Variants in BCAS3 observed in about 807,000 individuals in gnomAD.
BCAS3 encodes BCAS4/BCAS3 fusion.
In BCAS3, 53 loss-of-function variants were observed where a neutral mutation model predicts 116.1. That is an observed-to-expected ratio of 0.46 (90% CI 0.37 to 0.57). The LOEUF is 0.57. Among genes scored for constraint, BCAS3 ranks in the 20% least tolerant of loss-of-function variants. The pLI, the probability that BCAS3 is intolerant of heterozygous loss-of-function variation, is 0.00. For synonymous variants in BCAS3, 391 were observed against 408.2 expected (o/e 0.96, Z 0.51); for missense variants, 917 against 1,165.4 (o/e 0.79, Z 3.10).
chr17:60,770,317 T>A (rs1034261516), intron 6 of BCAS3, among the ~76,000 whole-genome samples: 3 of 151,832 alleles, frequency 2.0e-5, no homozygotes, highest in Non-Finnish European at 2.9e-5. Flanking sequence ...TTTCCCCAGT[T>A]CATAGTCCAT....
chr17:60,914,242 T>G (rs1286308608), intron 12 of BCAS3, among the ~76,000 whole-genome samples: 1 of 152,186 alleles, frequency 6.6e-6, no homozygotes, highest in African/African-American at 2.4e-5. Context: ...TACTGGAATA[T>G]CTCTGACATT....
intron 22 of BCAS3, among the ~76,000 whole-genome samples, chr17:61,240,096 A>G (rs12943935): frequency 0.2 from 30,701 of 151,960 alleles, 3,454 homozygotes; most frequent in African/African-American, 0.29. Context: ...ATCTGTAACC[A>G]TGCTGTCTCA....
chr17:60,784,009 T>C (rs1468771295), intron 6 of BCAS3, among the ~76,000 whole-genome samples: 2 of 152,170 alleles, frequency 1.3e-5, no homozygotes, highest in Admixed American at 6.5e-5. Context: ...AAATGAAGTA[T>C]AATATAAAGC....
At chr17:60,969,406 A>C (rs537909847) in intron 14 of BCAS3, among the ~76,000 whole-genome samples, 11 of 152,342 alleles carry the variant, frequency 7.2e-5, no homozygotes, top group Non-Finnish European at 1.3e-4. Flanking sequence ...TCTACAACTT[A>C]AAAATACAAT....
In BCAS3 at chr17:61,068,733, C is replaced by T. The variant is rs760079285; in HGVS notation, c.2030-6187C>T. On this transcript the variant is annotated intron_variant, in intron 19 of 23. Transcript: ENST00000407086. This position sits in a 1 kb window ranked among gnomAD's most constrained non-coding sequence, Gnocchi z 4.3. ...TGGGATTCTGTCGTTTCCCACTCCT[C>T]TTTGTGACCCTCTTTTTTCCCCTTT... Among the ~76,000 whole-genome samples, 32 of 152,210 alleles carry T rather than the reference C, an allele frequency of 2.1e-4. No homozygotes were observed. The highest frequency in any genetic ancestry group is 4.1e-4 in the Non-Finnish European group (28 of 68,046).
rs1487675033 is a variant in BCAS3 at position 61,343,890 on chromosome 17, C to G, written c.2426-24437C>G. Reference sequence around the variant, plus strand: ...GCGACACCCTCTCTCTTTGGACCACCTCCTCCCCTTTCGCTTCCTTCCACA... The same window carrying G: ...GCGACACCCTCTCTCTTTGGACCACGTCCTCCCCTTTCGCTTCCTTCCACA... On this transcript the variant is annotated intron_variant, in intron 22 of 23. Transcript: ENST00000407086. This position sits in a 1 kb window ranked among gnomAD's most constrained non-coding sequence, Gnocchi z 5.5. Among the ~76,000 whole-genome samples the G allele has an allele frequency of 6.6e-6, 1 of 152,182 alleles. No homozygotes were observed. The highest frequency in any genetic ancestry group is 6.5e-5 in the Admixed American group (1 of 15,282).
chr17:60,710,870 G>A (rs2037829477), intron 5 of BCAS3, among the ~76,000 whole-genome samples: 1 of 148,882 alleles, frequency 6.7e-6, no homozygotes, highest in East Asian at 2.0e-4. Flanking sequence ...TGGCATGATT[G>A]TAATTCACTC....
rs1469024659 is a variant in BCAS3, at chr17:61,188,363, C to T, written c.2425+103799C>T. Among the ~76,000 whole-genome samples, 2 of 152,144 alleles carry T rather than the reference C, an allele frequency of 1.3e-5. No individual in the cohort carries two copies. The highest frequency in any genetic ancestry group is 4.8e-5 in the African/African-American group (2 of 41,430). ...TCATCTTTGAAATGTAAAGAGAGTG[C>T]TTGTATAATAAGAAGTGTGTTCTCC... On this transcript the variant is annotated intron_variant, in intron 22 of 23. Coordinates refer to ENST00000407086, the MANE Select transcript of BCAS3 (RefSeq NM_017679.5). The surrounding 1 kb of genome is among the most constrained non-coding windows in gnomAD (Gnocchi z 4.0).
intron 16 of BCAS3, among the ~76,000 whole-genome samples, chr17:61,016,202 T>C (rs2065446213): frequency 6.6e-6 from 1 of 152,238 alleles, no homozygotes; most frequent in Admixed American, 6.5e-5. Context: ...TGGCTTTGCC[T>C]GCAAGTACAG....
chr17:61,154,500 A>G (rs952028386), intron 22 of BCAS3, among the ~76,000 whole-genome samples: 1 of 143,624 alleles, frequency 7.0e-6, no homozygotes, highest in Non-Finnish European at 1.5e-5. Flanking sequence ...CAGTGGGGGG[A>G]TCATGGCTCA....
At chr17:61,024,793 G>A (rs1407555763) in intron 16 of BCAS3, among the ~76,000 whole-genome samples, 2 of 152,012 alleles carry the variant, frequency 1.3e-5, no homozygotes, top group African/African-American at 4.8e-5. Context: ...GACACTTGAA[G>A]TTTTTGTTTC....
At chr17:61,292,811 A>G (rs1040279485) in intron 22 of BCAS3, among the ~76,000 whole-genome samples, 14 of 152,280 alleles carry the variant, frequency 9.2e-5, no homozygotes, top group African/African-American at 3.4e-4. Context: ...CACTTACATG[A>G]TGTCATGCAA....
At chr17:61,297,807 AT>A (rs1683618248) in intron 22 of BCAS3, among the ~76,000 whole-genome samples, 1 of 152,160 alleles carries the variant, frequency 6.6e-6, no homozygotes, top group African/African-American at 2.4e-5. Context: ...TCTCAACGGT[AT>A]TTTTATTCCG....
chr17:60,989,968 T>G lies in BCAS3; in HGVS notation c.1222-3T>G, dbSNP rs763911863. Reference sequence around the variant, plus strand: ...TTTGTATCTTTTCTTATCTCATTTCTAGGTACAGGACATCTGCTTCAGCCA... The same window carrying G: ...TTTGTATCTTTTCTTATCTCATTTCGAGGTACAGGACATCTGCTTCAGCCA... On this transcript the variant is annotated splice_polypyrimidine_tract_variant and splice_region_variant and intron_variant, in intron 14 of 23. Coordinates refer to ENST00000407086, the MANE Select transcript of BCAS3 (RefSeq NM_017679.5). The G allele has an allele frequency of 2.5e-6, 4 of 1,609,498 alleles. No individual in the cohort carries two copies. The highest frequency in any genetic ancestry group is 2.6e-6 in the Non-Finnish European group (3 of 1,176,410).
Position 61,279,951 on chromosome 17 carries a change from C to T in BCAS3, c.2426-88376C>T, listed in dbSNP as rs1602382512. Reference sequence around the variant, plus strand: ...CTCAATCCTGCTCCTGCTGAGTCTACATTAACTCTTTGTTTAGCTTGGCTC... The same window carrying T: ...CTCAATCCTGCTCCTGCTGAGTCTATATTAACTCTTTGTTTAGCTTGGCTC... On this transcript the variant is annotated intron_variant, in intron 22 of 23. Transcript: ENST00000407086. This position sits in a 1 kb window ranked among gnomAD's most constrained non-coding sequence, Gnocchi z 4.4. Among the ~76,000 whole-genome samples, 1 of 151,630 alleles carries T rather than the reference C, an allele frequency of 6.6e-6. No individual in the cohort carries two copies. Among genetic ancestry groups the T allele is most frequent in the East Asian group, 1.9e-4 (1 of 5,194 alleles).
At chr17:61,260,313 A>C (rs1263591331) in intron 22 of BCAS3, among the ~76,000 whole-genome samples, 1 of 152,230 alleles carries the variant, frequency 6.6e-6, no homozygotes, top group East Asian at 1.9e-4. Flanking sequence ...GAAAACCCAG[A>C]GAAACCCATA....
chr17:61,110,328 G>A (rs1341063039), intron 22 of BCAS3, among the ~76,000 whole-genome samples: 1 of 152,210 alleles, frequency 6.6e-6, no homozygotes, highest in African/African-American at 2.4e-5. Context: ...TCCATCTGAG[G>A]TACCGGGTTC....
At chr17:61,212,742 T>C (rs2081538488) in intron 22 of BCAS3, among the ~76,000 whole-genome samples, 1 of 152,206 alleles carries the variant, frequency 6.6e-6, no homozygotes, top group Non-Finnish European at 1.5e-5. Flanking sequence ...GATTCAGTGG[T>C]GCTAGTTTCC....
At chr17:60,679,938 A>G (rs569024566) in intron 2 of BCAS3, among the ~76,000 whole-genome samples, 38 of 152,218 alleles carry the variant, frequency 2.5e-4, no homozygotes, top group Non-Finnish European at 4.4e-4. Flanking sequence ...GGAGATCGAG[A>G]CCATCCTGGC....
Sources: gnomAD v4.1 joint callset for allele counts (sites outside exome capture counted in the v4.1 genomes callset) on GRCh38, gnomAD v4.1.1 for gene constraint, Gnocchi (gnomAD v3.1) non-coding constraint, MANE v1.5 for transcripts, NCBI Gene and HGNC (gene_info 2026-07-23, HGNC 2026-07-21) for gene names.